The following PAK1 variants were observed in gnomAD, a reference collection of about 807,000 sequenced individuals.
PAK1 encodes the protein p21 (RAC1) activated kinase 1.
A neutral mutation model predicts 67.4 loss-of-function variants in PAK1; 29 were observed. The ratio of observed to expected loss-of-function variants is 0.43; its 90% CI spans 0.32 to 0.59. The LOEUF is 0.59. Among genes scored for constraint, PAK1 ranks in the 20% least tolerant of loss-of-function variants. The pLI is 0.07. For synonymous variants in PAK1, 223 were observed against 237.4 expected (o/e 0.94, Z 0.56); for missense variants, 337 against 670.7 (o/e 0.50, Z 5.50).
chr11:77,431,334 T>C (rs1171600713), intron 1 of PAK1, among the ~76,000 whole-genome samples: 2 of 152,190 alleles, frequency 1.3e-5, no homozygotes, highest in Non-Finnish European at 1.5e-5. Context: ...ATGTCTCATA[T>C]CAACCCTGAG....
chr11:77,487,853 G>C, the PAK1 span, among the ~76,000 whole-genome samples: 118 of 152,304 alleles, frequency 7.7e-4, no homozygotes, highest in South Asian at 2.9e-3. Flanking sequence ...GGAGTCAGGG[G>C]AACTCACTGC....
At position 77,348,458 on chromosome 11, in the gene PAK1, A is replaced by C. The variant is rs182718789; in HGVS notation, c.885+781T>G. Among the ~76,000 whole-genome samples the C allele has an allele frequency of 9.7e-4, 148 of 152,322 alleles. 1 individual carries two copies. In the East Asian group the frequency reaches 0.022, roughly 23 times the overall value. Reference sequence around the variant, plus strand: ...ATGGCTTAATGAAATGAGAGGGACAAAAAGCTGCCTCCAAATAAATGAGGA... The same window carrying C: ...ATGGCTTAATGAAATGAGAGGGACACAAAGCTGCCTCCAAATAAATGAGGA... On this transcript the variant is annotated intron_variant, in intron 9 of 14. Coordinates refer to ENST00000356341, the MANE Select transcript of PAK1 (RefSeq NM_002576.5).
At chr11:77,425,515 C>T (rs573770057) in intron 1 of PAK1, among the ~76,000 whole-genome samples, 1 of 152,230 alleles carries the variant, frequency 6.6e-6, no homozygotes, top group South Asian at 2.1e-4. Context: ...GAAGCAATGC[C>T]CAGCCCCACG....
intron 1 of PAK1, among the ~76,000 whole-genome samples, chr11:77,452,509 A>G (rs1274993051): frequency 6.6e-6 from 1 of 152,202 alleles, no homozygotes; most frequent in Non-Finnish European, 1.5e-5. Flanking sequence ...CATTCATAAA[A>G]TAAGGGTGTT....
At chr11:77,338,969 C>T (rs1943161788) in intron 11 of PAK1, among the ~76,000 whole-genome samples, 1 of 151,964 alleles carries the variant, frequency 6.6e-6, no homozygotes, top group Admixed American at 6.6e-5. Context: ...TATTAATTTC[C>T]TCTTTGGGGT....
chr11:77,482,625 A>C, the PAK1 span, among the ~76,000 whole-genome samples: 1 of 134,708 alleles, frequency 7.4e-6, no homozygotes, highest in African/African-American at 2.9e-5. Flanking sequence ...ACAGGGTCTT[A>C]CTCTGTCACC....
At chr11:77,432,707 T>C (rs1592452818) in intron 1 of PAK1, among the ~76,000 whole-genome samples, 1 of 151,638 alleles carries the variant, frequency 6.6e-6, no homozygotes, top group Non-Finnish European at 1.5e-5. Flanking sequence ...ATCTTGTATA[T>C]AGAAAATTCT....
At chr11:77,446,511 C>CAAAAAAAA (rs56952838) in intron 1 of PAK1, among the ~76,000 whole-genome samples, 6 of 60,678 alleles carry the variant, frequency 9.9e-5, no homozygotes, top group East Asian at 4.4e-4. Flanking sequence ...GACCCTGTCT[C>CAAAAAAAA]AAAAAAAAAA....
At chr11:77,451,062 G>A (rs542357186) in intron 1 of PAK1, among the ~76,000 whole-genome samples, 1 of 152,126 alleles carries the variant, frequency 6.6e-6, no homozygotes, top group South Asian at 2.1e-4. Flanking sequence ...AAGACTTTAG[G>A]GAAACCATTT....
At chr11:77,344,154 T>C (rs1452086198) in intron 9 of PAK1, among the ~76,000 whole-genome samples, 1 of 152,138 alleles carries the variant, frequency 6.6e-6, no homozygotes, top group Non-Finnish European at 1.5e-5. Flanking sequence ...AAACCTCGGG[T>C]CCCACCCCAA....
chr11:77,333,528 G>A (rs1451586708), intron 13 of PAK1, among the ~76,000 whole-genome samples: 1 of 152,028 alleles, frequency 6.6e-6, no homozygotes, highest in Non-Finnish European at 1.5e-5. Context: ...ACATCTGAAG[G>A]GTTTATTATC....
intron 1 of PAK1, among the ~76,000 whole-genome samples, chr11:77,420,676 G>C (rs1159461565): frequency 6.6e-6 from 1 of 152,116 alleles, no homozygotes; most frequent in Non-Finnish European, 1.5e-5. Context: ...TATCACCTTG[G>C]TCCAAACCAT....
intron 1 of PAK1, among the ~76,000 whole-genome samples, chr11:77,446,480 C>T (rs917867152): frequency 1.4e-5 from 2 of 147,782 alleles, no homozygotes; most frequent in Non-Finnish European, 3.0e-5. Context: ...CCACTACACT[C>T]CAGCCTGAGT....
At chr11:77,452,783 C>A (rs1382869835) in intron 1 of PAK1, among the ~76,000 whole-genome samples, 1 of 152,216 alleles carries the variant, frequency 6.6e-6, no homozygotes, top group East Asian at 1.9e-4. Context: ...GTTGGCACAT[C>A]TAATAACAAG....
At chr11:77,452,617 T>C (rs1158509355) in intron 1 of PAK1, among the ~76,000 whole-genome samples, 2 of 151,144 alleles carry the variant, frequency 1.3e-5, no homozygotes, top group South Asian at 4.2e-4. Flanking sequence ...AGTAACTTTC[T>C]AAAAGAAAAA....
chr11:77,380,139 G>C (rs535960811), intron 2 of PAK1, 145 bp from the exon 3 acceptor site: 2 of 620,396 alleles, frequency 3.2e-6, no homozygotes, highest in Non-Finnish European at 5.6e-6. Flanking sequence ...GCTCAGTTAC[G>C]GATCTGGATT....
At chr11:77,454,043 G>T (rs1189965421) in intron 1 of PAK1, among the ~76,000 whole-genome samples, 1 of 152,190 alleles carries the variant, frequency 6.6e-6, no homozygotes, top group Non-Finnish European at 1.5e-5. Context: ...CAGCCTAGGT[G>T]ACAGAGCGAG....
rs577828203 is a variant in PAK1, at chr11:77,380,592, T to G, written c.191-598A>C. Among the ~76,000 whole-genome samples the G allele has an allele frequency of 9.2e-5, 14 of 152,210 alleles. No individual in the cohort carries two copies. The East Asian group carries it at 2.7e-3, about 29-fold the overall frequency. On this transcript the variant is annotated intron_variant, in intron 2 of 14. Transcript: ENST00000356341. Reference sequence around the variant, plus strand: ...CAGTAACTAGCCAGTTGATATAGAGTAAGTCATCTTTTTTGTGAAGCCCTC... The same window carrying G: ...CAGTAACTAGCCAGTTGATATAGAGGAAGTCATCTTTTTTGTGAAGCCCTC...
intron 1 of PAK1, among the ~76,000 whole-genome samples, chr11:77,461,962 A>AT (rs1457204112): frequency 1.3e-5 from 2 of 152,194 alleles, no homozygotes; most frequent in African/African-American, 4.8e-5. Context: ...GTAACATGCA[A>AT]TTCCTCAGCT....
Sources: allele counts gnomAD v4.1 joint callset (sites outside exome capture counted in the v4.1 genomes callset), GRCh38; gene constraint gnomAD v4.1.1; transcripts MANE v1.5; gene names NCBI Gene and HGNC (gene_info 2026-07-23, HGNC 2026-07-21).